The following PGCKA1 variants were observed in gnomAD, a reference collection of about 807,000 sequenced individuals.
PGCKA1 encodes PDCD10 and GCKIII kinases-associated protein 1.
the PGCKA1 span, among the ~76,000 whole-genome samples, chr4:37,515,499 G>A: frequency 6.6e-6 from 1 of 152,106 alleles, no homozygotes; most frequent in Non-Finnish European, 1.5e-5. Flanking sequence ...ACTATCTTGG[G>A]TATTCATAGA....
At chr4:37,591,032 T>A in the PGCKA1 span, 1 of 1,556,262 alleles carries the variant, frequency 6.4e-7, no homozygotes, top group Non-Finnish European at 8.7e-7. Flanking sequence ...GGTAAGCTGG[T>A]GTCATGCTGA....
chr4:37,565,851 C>T, the PGCKA1 span, among the ~76,000 whole-genome samples: 1 of 152,170 alleles, frequency 6.6e-6, no homozygotes, highest in African/African-American at 2.4e-5. Flanking sequence ...CTGGGGAAGG[C>T]AGACCCACCC....
At chr4:37,484,429 G>T in the PGCKA1 span, among the ~76,000 whole-genome samples, 3 of 152,114 alleles carry the variant, frequency 2.0e-5, no homozygotes, top group African/African-American at 4.8e-5. Context: ...CTCCCACGGG[G>T]TTCCTCCCAC....
chr4:37,527,799 C>T, the PGCKA1 span, among the ~76,000 whole-genome samples: 1 of 149,930 alleles, frequency 6.7e-6, no homozygotes, highest in Non-Finnish European at 1.5e-5. Context: ...CACTGCGCTC[C>T]AGCCTGGCGA....
At chr4:37,483,373 G>A in the PGCKA1 span, among the ~76,000 whole-genome samples, 4 of 152,092 alleles carry the variant, frequency 2.6e-5, no homozygotes, top group African/African-American at 9.7e-5. Flanking sequence ...TGAATTTTGT[G>A]GGGACATCAT....
At chr4:37,514,704 G>T in the PGCKA1 span, among the ~76,000 whole-genome samples, 18 of 152,286 alleles carry the variant, frequency 1.2e-4, no homozygotes, top group South Asian at 2.9e-3. Context: ...AACAAAAATT[G>T]CTCACAAATG....
chr4:37,539,086 G>C, the PGCKA1 span, among the ~76,000 whole-genome samples: 1 of 152,088 alleles, frequency 6.6e-6, no homozygotes, highest in Admixed American at 6.6e-5. Flanking sequence ...ATCTGGGAGT[G>C]GCCAAGCCAG....
At chr4:37,522,186 G>T in the PGCKA1 span, among the ~76,000 whole-genome samples, 11 of 152,288 alleles carry the variant, frequency 7.2e-5, no homozygotes, top group African/African-American at 2.6e-4. Context: ...TTCAGGCCCT[G>T]GGTGGGTTCA....
the PGCKA1 span, among the ~76,000 whole-genome samples, chr4:37,519,229 G>A: frequency 6.6e-6 from 1 of 152,038 alleles, no homozygotes; most frequent in Non-Finnish European, 1.5e-5. Context: ...TTTTTGCTTA[G>A]GATAGCTCTC....
chr4:37,541,059 C>G, the PGCKA1 span, among the ~76,000 whole-genome samples: 1 of 135,782 alleles, frequency 7.4e-6, no homozygotes, highest in Non-Finnish European at 1.7e-5. Flanking sequence ...CCCAGGCTGG[C>G]TGAGTTCACC....
At chr4:37,544,386 C>T in the PGCKA1 span, among the ~76,000 whole-genome samples, 1 of 152,026 alleles carries the variant, frequency 6.6e-6, no homozygotes, top group Non-Finnish European at 1.5e-5. Context: ...AACTCATGTC[C>T]TTCAATTACG....
the PGCKA1 span, among the ~76,000 whole-genome samples, chr4:37,553,878 T>C: frequency 3.3e-5 from 5 of 152,226 alleles, no homozygotes; most frequent in African/African-American, 1.2e-4. Context: ...CTTTCTCTAC[T>C]GAGGGTTTAT....
chr4:37,575,842 T>G, the PGCKA1 span, among the ~76,000 whole-genome samples: 1 of 152,172 alleles, frequency 6.6e-6, no homozygotes, highest in Non-Finnish European at 1.5e-5. Flanking sequence ...CCAGCACCAT[T>G]TACTGAGGAA....
At chr4:37,581,740 C>T in the PGCKA1 span, among the ~76,000 whole-genome samples, 1 of 152,282 alleles carries the variant, frequency 6.6e-6, no homozygotes, top group South Asian at 2.1e-4. This position sits in a 1 kb window ranked among gnomAD's most constrained non-coding sequence, Gnocchi z 4.4. Context: ...CTCCCTTAGC[C>T]ACTCTGGTGT....
chr4:37,525,016 A>G, the PGCKA1 span, among the ~76,000 whole-genome samples: 6 of 152,238 alleles, frequency 3.9e-5, no homozygotes, highest in African/African-American at 1.2e-4. Context: ...TGAATTGACA[A>G]TTCCAAAATT....
the PGCKA1 span, among the ~76,000 whole-genome samples, chr4:37,518,472 G>A: frequency 3.9e-5 from 6 of 152,060 alleles, no homozygotes; most frequent in African/African-American, 9.7e-5. Flanking sequence ...TTTTAACTGG[G>A]GTGAGATAGT....
the PGCKA1 span, among the ~76,000 whole-genome samples, chr4:37,529,285 C>T: frequency 1.3e-5 from 2 of 152,198 alleles, no homozygotes; most frequent in East Asian, 3.8e-4. Flanking sequence ...ATTTATCCTA[C>T]ATCTAGGTAC....
At chr4:37,592,948 T>G in the PGCKA1 span, among the ~76,000 whole-genome samples, 1 of 152,240 alleles carries the variant, frequency 6.6e-6, no homozygotes, top group Admixed American at 6.5e-5. Context: ...TTATTTAGTA[T>G]AAAACATGAT....
chr4:37,471,955 G>T, the PGCKA1 span, among the ~76,000 whole-genome samples: 1 of 152,118 alleles, frequency 6.6e-6, no homozygotes, highest in Admixed American at 6.6e-5. Flanking sequence ...AATCTGAGTT[G>T]GATAGAAGGA....
Sources: allele counts gnomAD v4.1 joint callset (sites outside exome capture counted in the v4.1 genomes callset), GRCh38; gene constraint gnomAD v4.1.1; non-coding constraint Gnocchi (gnomAD v3.1); transcripts MANE v1.5; gene names NCBI Gene and HGNC (gene_info 2026-07-23, HGNC 2026-07-21).